Variants in HERC1 observed in about 807,000 individuals in gnomAD.
The protein encoded by HERC1 is HECT and RLD domain containing E3 ubiquitin protein ligase family member 1, also known as probable E3 ubiquitin-protein ligase HERC1.
In HERC1, 160 loss-of-function variants were observed where a neutral mutation model predicts 554.3. The observed-to-expected ratio is 0.29, with a 90% confidence interval of 0.25 to 0.33. The LOEUF (loss-of-function observed/expected upper bound fraction) is 0.33, where lower values mean the gene tolerates loss of function less well. Ranked by LOEUF, HERC1 falls within the 10% of genes least tolerant of loss-of-function variation. The pLI is 1.00. For synonymous variants in HERC1, 2,175 were observed against 2,131.7 expected, an observed-to-expected ratio of 1.02 and a Z score of -0.56; for missense variants, 4,919 against 5,918.5, an observed-to-expected ratio of 0.83 and a Z score of 5.54.
intron 10 of HERC1, 104 bp from the exon 11 acceptor site, chr15:63,747,962 A>G: frequency 1.8e-6 from 2 of 1,128,382 alleles, no homozygotes; most frequent in Non-Finnish European, 2.5e-6. Context: ...ACGGTGGCTC[A>G]TGCCTGTAAT....
intron 1 of HERC1, among the ~76,000 whole-genome samples, chr15:63,792,029 T>G (rs1268473045): frequency 2.0e-5 from 3 of 152,220 alleles, no homozygotes; most frequent in African/African-American, 7.2e-5. Flanking sequence ...ATTTTTCATT[T>G]TTCCAAAAAT....
intron 74 of HERC1, among the ~76,000 whole-genome samples, chr15:63,617,856 G>T (rs186131063): frequency 6.6e-6 from 1 of 152,192 alleles, no homozygotes; most frequent in African/African-American, 2.4e-5. Flanking sequence ...TGATGGGGTT[G>T]TTTTTTTCTT....
rs2072149133 is a variant in HERC1, at chr15:63,692,127, A to T, written c.5830+284T>A. ...GGAATCTGTGCTAAAATATCGTATT[A>T]AACAGGATGTTCTCTGCTTACTCTT... On this transcript the variant is annotated intron_variant, in intron 31 of 77. Coordinates refer to ENST00000443617, the MANE Select transcript of HERC1 (RefSeq NM_003922.4). The surrounding 1 kb of genome is among the most constrained non-coding windows in gnomAD (Gnocchi z 4.7). Among the ~76,000 whole-genome samples, 1 of 152,234 alleles carries T rather than the reference A, an allele frequency of 6.6e-6. No homozygotes were observed. Among genetic ancestry groups the T allele is most frequent in the African/African-American group, 2.4e-5 (1 of 41,468 alleles).
At chr15:63,701,861 G>C (rs2072738398) in intron 25 of HERC1, among the ~76,000 whole-genome samples, 1 of 151,650 alleles carries the variant, frequency 6.6e-6, no homozygotes, top group Admixed American at 6.6e-5. Context: ...GGTTTGCTCT[G>C]TACTATCTGA....
At chr15:63,676,760 A>C (rs1418193540) in intron 37 of HERC1, among the ~76,000 whole-genome samples, 2 of 152,244 alleles carry the variant, frequency 1.3e-5, no homozygotes, top group Non-Finnish European at 2.9e-5. Context: ...CGTCTCAAAA[A>C]AATAAATAAT....
chr15:63,736,929 G>A (rs1314835048), intron 12 of HERC1, among the ~76,000 whole-genome samples: 1 of 151,914 alleles, frequency 6.6e-6, no homozygotes, highest in Non-Finnish European at 1.5e-5. Context: ...TCTTACCCAT[G>A]ATTGGCTTCG....
chr15:63,789,557 G>A (rs112305294), intron 1 of HERC1, among the ~76,000 whole-genome samples: 20,006 of 151,572 alleles, frequency 0.13, 1,777 homozygotes, highest in Middle Eastern at 0.21. Context: ...CCGCACTTCG[G>A]AAAGCCGAGG....
At chr15:63,707,557 C>G (rs2073074181) in intron 24 of HERC1, among the ~76,000 whole-genome samples, 1 of 152,124 alleles carries the variant, frequency 6.6e-6, no homozygotes, top group Admixed American at 6.5e-5. Flanking sequence ...TGTGCATAGA[C>G]TTGACATTAT....
intron 14 of HERC1, among the ~76,000 whole-genome samples, chr15:63,732,473 C>T (rs2074338101): frequency 6.6e-6 from 1 of 151,902 alleles, no homozygotes; most frequent in Admixed American, 6.6e-5. Flanking sequence ...AAAGAAATGG[C>T]AGGAAAAAAA....
Position 63,727,493 on chromosome 15 carries a change from C to T in HERC1, c.3346+154G>A, listed in dbSNP as rs73450258. 7.3e-3 allele frequency among the ~76,000 whole-genome samples: 1,119 copies of T among 152,254 alleles called. 18 individuals are homozygous for T. The highest frequency in any genetic ancestry group is 0.026 in the African/African-American group (1,078 of 41,552). ...GATTCTTTCCAATAAAATAAGAGGA[C>T]TTACTTAAATTTGAAAAGCTTTTAA... is the stretch of plus-strand genomic sequence containing the variant. On this transcript the variant is annotated intron_variant, in intron 17 of 77. Coordinates refer to ENST00000443617, the MANE Select transcript of HERC1 (RefSeq NM_003922.4). This position sits in a 1 kb window ranked among gnomAD's most constrained non-coding sequence, Gnocchi z 4.3.
intron 1 of HERC1, among the ~76,000 whole-genome samples, chr15:63,792,968 C>T (rs1020699796): frequency 6.6e-6 from 1 of 152,184 alleles, no homozygotes; most frequent in East Asian, 1.9e-4. Flanking sequence ...GAGCAGTTCA[C>T]AGAACTCAGG....
chr15:63,672,774 C>T (rs2071001358), intron 38 of HERC1, 80 bp from the exon 39 acceptor site: 2 of 899,446 alleles, frequency 2.2e-6, no homozygotes, highest in African/African-American at 3.4e-5. Context: ...AAACTTCTAC[C>T]TGTTTAATTT....
chr15:63,732,540 G>C (rs2074340456), intron 14 of HERC1, among the ~76,000 whole-genome samples: 1 of 152,162 alleles, frequency 6.6e-6, no homozygotes, highest in African/African-American at 2.4e-5. Context: ...TACAGGGAAA[G>C]CTATAGGGTC....
At chr15:63,699,121 C>T (rs549245985) in intron 25 of HERC1, 125 bp from the exon 26 acceptor site, 31 of 801,176 alleles carry the variant, frequency 3.9e-5, no homozygotes, top group Middle Eastern at 3.8e-4. Flanking sequence ...TGTTTGAATA[C>T]GCGCATGCAT....
chr15:63,691,357 T>C (rs1274761773), intron 31 of HERC1, among the ~76,000 whole-genome samples: 2 of 151,648 alleles, frequency 1.3e-5, no homozygotes, highest in African/African-American at 4.8e-5. Context: ...TCCCAGCTAC[T>C]TGGGAGGCTG....
At position 63,608,746 on chromosome 15, in the gene HERC1, A is replaced by G. The variant is rs1268196682; in HGVS notation, c.*335T>C. ...TCTAATGAACAATTATACACAATGT[A>G]CAATTTCATGTTCACTGGGTGGATT... On this transcript the variant is annotated 3_prime_UTR_variant, in exon 78 of 78. Coordinates refer to ENST00000443617, the MANE Select transcript of HERC1 (RefSeq NM_003922.4). The G allele has an allele frequency of 5.1e-6, 1 of 197,872 alleles. No individual in the cohort carries two copies. Among genetic ancestry groups the G allele is most frequent in the Non-Finnish European group, 1.0e-5 (1 of 96,792 alleles). The allele number at this position is 197,872 out of a possible 1,614,324, so 12.3% of individuals were successfully genotyped here.
At chr15:63,742,889 T>C (rs780019866) in intron 12 of HERC1, among the ~76,000 whole-genome samples, 6 of 152,208 alleles carry the variant, frequency 3.9e-5, no homozygotes, top group Non-Finnish European at 7.3e-5. Context: ...TCTATCTTCA[T>C]AATGGATACT....
At chr15:63,624,415 G>T in intron 71 of HERC1, 88 bp from the exon 72 acceptor site, 1 of 1,296,338 alleles carries the variant, frequency 7.7e-7, no homozygotes, top group Non-Finnish European at 1.1e-6. Flanking sequence ...ACATTATTTT[G>T]GCTGGGCGCA....
At chr15:63,773,287 T>C (rs993393748) in intron 2 of HERC1, among the ~76,000 whole-genome samples, 5 of 151,582 alleles carry the variant, frequency 3.3e-5, no homozygotes, top group Non-Finnish European at 7.4e-5. Flanking sequence ...CTACTAAAAG[T>C]ACAAAAATTA....
Sources: gnomAD v4.1 joint callset for allele counts (sites outside exome capture counted in the v4.1 genomes callset) on GRCh38, gnomAD v4.1.1 for gene constraint, Gnocchi (gnomAD v3.1) non-coding constraint, MANE v1.5 for transcripts, NCBI Gene and HGNC (gene_info 2026-07-23, HGNC 2026-07-21) for gene names.